PHLDB2: variants seen among roughly 807,000 people sequenced by gnomAD.
PHLDB2 encodes the protein pleckstrin homology-like domain family B member 2.
Under a neutral mutation model 123.6 loss-of-function variants are expected in PHLDB2, and 71 were observed. That is an observed-to-expected ratio of 0.57 (90% CI 0.47 to 0.70). PHLDB2 has a LOEUF of 0.70. Ranked by LOEUF, PHLDB2 falls within the 30% of genes least tolerant of loss-of-function variation. The probability of loss-of-function intolerance (pLI) is 0.00; values close to 1 mark genes in which losing one functional copy is unlikely to be tolerated. For missense variants in PHLDB2, 1,446 were observed against 1,519.5 expected (o/e 0.95, Z 0.80); for synonymous variants, 547 against 541.6 (o/e 1.01, Z -0.14).
intron 1 of PHLDB2, among the ~76,000 whole-genome samples, chr3:111,735,325 T>A (rs1479361102): frequency 6.6e-6 from 1 of 152,168 alleles, no homozygotes; most frequent in Non-Finnish European, 1.5e-5. Context: ...GGCTTTTTGG[T>A]GTCATTTGAG....
At chr3:111,854,222 C>T (rs1483938083) in intron 2 of PHLDB2, among the ~76,000 whole-genome samples, 1 of 152,208 alleles carries the variant, frequency 6.6e-6, no homozygotes, top group Non-Finnish European at 1.5e-5. Context: ...ATGGGGGAAA[C>T]TGCCCCCAAG....
chr3:111,827,685 CAAAAAAAAAAAAAAAAA>C (rs565813163), intron 1 of PHLDB2, among the ~76,000 whole-genome samples: 1 of 73,172 alleles, frequency 1.4e-5, no homozygotes. Flanking sequence ...GAATCCGTCT[CAAAAAAAAAAAAAAAAA>C]AAAAAAAAGG....
At chr3:111,896,065 G>T (rs954441639) in intron 2 of PHLDB2, among the ~76,000 whole-genome samples, 2 of 151,804 alleles carry the variant, frequency 1.3e-5, no homozygotes, top group African/African-American at 4.8e-5. Context: ...GCATGATCTC[G>T]GCTCAGCCTG....
chr3:111,920,409 A>T lies in PHLDB2; in HGVS notation c.1991A>T (p.Glu664Val). The change falls in exon 5 of 18, where the codon GAA becomes GTA. Residue 664 changes from glutamate to valine, a missense_variant. Physicochemically the swap from Glu to Val is moderately radical, Grantham distance 121 (BLOSUM62 -2). Coordinates refer to ENST00000431670, the MANE Select transcript of PHLDB2 (RefSeq NM_001134438.2). ...GAACTGGAAAAGAACATTGTTGGTG[A>T]AAAGACCAAGGTAAAAGAAAATTAT... ...IAELEKNIVG[E>V]KTKEKVKLDA... is the part of the protein sequence containing the mutation. The T allele has an allele frequency of 6.2e-7, 1 of 1,613,418 alleles. No homozygotes were observed. Among genetic ancestry groups the T allele is most frequent in the Non-Finnish European group, 8.5e-7 (1 of 1,179,768 alleles).
intron 1 of PHLDB2, among the ~76,000 whole-genome samples, chr3:111,796,403 G>A (rs2061163119): frequency 6.6e-6 from 1 of 152,168 alleles, no homozygotes. Context: ...CCTAGTTCAA[G>A]CTGCTATCAT....
chr3:111,954,051 T>A lies in PHLDB2; in HGVS notation c.2872+22T>A, dbSNP rs1029818315. On this transcript the variant is annotated intron_variant, in intron 12 of 17. Coordinates refer to ENST00000431670, the MANE Select transcript of PHLDB2 (RefSeq NM_001134438.2). ...AGAGGTACGTACCTTTTAAATCAAG[T>A]GTCATGGCCTTTTGTTAAGCATTAG... 4 of 1,594,118 alleles carry A rather than the reference T, an allele frequency of 2.5e-6. No individual in the cohort carries two copies. The Admixed American group carries it at 6.7e-5, about 27-fold the overall frequency.
chr3:111,925,754 G>A (rs918362465), intron 5 of PHLDB2, among the ~76,000 whole-genome samples: 3 of 152,208 alleles, frequency 2.0e-5, no homozygotes, highest in African/African-American at 7.2e-5. Flanking sequence ...CCAAGGCAGA[G>A]CCTGATCTCA....
At chr3:111,765,687 T>C (rs1158071725) in intron 1 of PHLDB2, among the ~76,000 whole-genome samples, 1 of 152,180 alleles carries the variant, frequency 6.6e-6, no homozygotes, top group Non-Finnish European at 1.5e-5. Flanking sequence ...CTCTGCTGGG[T>C]TAGACAGTCT....
chr3:111,766,914 C>G (rs1559820286), intron 1 of PHLDB2, among the ~76,000 whole-genome samples: 1 of 151,562 alleles, frequency 6.6e-6, no homozygotes. Flanking sequence ...GCCTGTAATC[C>G]CAGCTACTTG....
At chr3:111,769,562 A>G (rs150098024) in intron 1 of PHLDB2, among the ~76,000 whole-genome samples, 7 of 152,344 alleles carry the variant, frequency 4.6e-5, no homozygotes, top group Non-Finnish European at 1.0e-4. Context: ...ATAATACAGC[A>G]TACGACTACA....
intron 1 of PHLDB2, among the ~76,000 whole-genome samples, chr3:111,830,426 T>C (rs1040204625): frequency 4.7e-5 from 7 of 149,752 alleles, no homozygotes; most frequent in Admixed American, 4.0e-4. Flanking sequence ...TTGATAACAG[T>C]GATTTAAAAA....
chr3:111,919,667 G>C (rs1034962935), intron 4 of PHLDB2, among the ~76,000 whole-genome samples: 5 of 152,260 alleles, frequency 3.3e-5, no homozygotes, highest in Admixed American at 2.6e-4. Flanking sequence ...TTGGAAACCA[G>C]GGGGAAGCAG....
At chr3:111,774,525 G>A (rs1379240519) in intron 1 of PHLDB2, among the ~76,000 whole-genome samples, 1 of 152,190 alleles carries the variant, frequency 6.6e-6, no homozygotes, top group Non-Finnish European at 1.5e-5. Context: ...TGCTAGAAAT[G>A]TAAGACATGC....
intron 1 of PHLDB2, among the ~76,000 whole-genome samples, chr3:111,747,766 T>A (rs1381643955): frequency 6.6e-6 from 1 of 152,262 alleles, no homozygotes; most frequent in African/African-American, 2.4e-5. Flanking sequence ...TCAATACCTT[T>A]ATTTTTACTT....
chr3:111,780,399 A>AGAAGAAGAAGCAGAAGAAG lies in PHLDB2; in HGVS notation c.-49+47706_-49+47707insCAGAAGAAGGAAGAAGAAG, dbSNP rs1553726800. ...AAGAAGAAGAAGAAGAAGAAGAAGA[A>AGAAGAAGAAGCAGAAGAAG]GAAGAAGAAGAAAAAGATTAGTTCG... On this transcript the variant is annotated intron_variant, in intron 1 of 17. Coordinates refer to the PHLDB2 transcript ENST00000393923. 4.0e-5 allele frequency among the ~76,000 whole-genome samples: 3 copies of AGAAGAAGAAGCAGAAGAAG among 74,452 alleles called. No individual in the cohort carries two copies. In the East Asian group the frequency reaches 1.3e-3, roughly 32 times the overall value. 48.8% of individuals were successfully genotyped at this position (74,452 alleles called of 152,430 possible). A position where few individuals can be genotyped will look rare whatever the true frequency, so the allele number is the denominator to read the frequency against.
intron 6 of PHLDB2, among the ~76,000 whole-genome samples, chr3:111,938,158 C>A (rs530009585): frequency 6.6e-6 from 1 of 152,128 alleles, no homozygotes; most frequent in Non-Finnish European, 1.5e-5. Flanking sequence ...GCTCATAGAA[C>A]CCTGGCTTTA....
rs1491460524 is a variant in PHLDB2, at chr3:111,834,122, ATT to A, written c.-48-11698_-48-11697del. ...TTATATATATTATATATGTAATAGA[ATT>A]ATATATATATTATATGTAATAGAAT... On this transcript the variant is annotated intron_variant, in intron 1 of 17. Coordinates refer to the PHLDB2 transcript ENST00000393923. Among the ~76,000 whole-genome samples the A allele has an allele frequency of 4.1e-3, 492 of 120,408 alleles. 22 individuals carry two copies. The highest frequency in any genetic ancestry group is 5.6e-3 in the East Asian group (21 of 3,766). The allele number at this position is 120,408 out of a possible 152,430, so 79.0% of individuals were successfully genotyped here.
chr3:111,780,399 A>AGAAGAAGACG lies in PHLDB2; in HGVS notation c.-49+47704_-49+47705insCGGAAGAAGA, dbSNP rs2060408116. On this transcript the variant is annotated intron_variant, in intron 1 of 17. Transcript: ENST00000393923. ...AAGAAGAAGAAGAAGAAGAAGAAGAAGAAGAAGAAGAAAAAGATTAGTTCG... is the reference window on the plus strand; with the variant it reads ...AAGAAGAAGAAGAAGAAGAAGAAGAAGAAGAAGACGGAAGAAGAAGAAAAAGATTAGTTCG... Among the ~76,000 whole-genome samples the AGAAGAAGACG allele has an allele frequency of 2.7e-5, 2 of 74,364 alleles. 1 individual carries two copies. The highest frequency in any genetic ancestry group is 2.9e-4 in the Admixed American group (2 of 6,984). The allele number at this position is 74,364 out of a possible 152,430, so 48.8% of individuals were successfully genotyped here.
At chr3:111,747,679 G>A (rs1453086738) in intron 1 of PHLDB2, among the ~76,000 whole-genome samples, 2 of 152,138 alleles carry the variant, frequency 1.3e-5, no homozygotes, top group Non-Finnish European at 2.9e-5. Flanking sequence ...GGGAACATGA[G>A]GATACACTGA....
Sources: allele counts gnomAD v4.1 joint callset (sites outside exome capture counted in the v4.1 genomes callset), GRCh38; gene constraint gnomAD v4.1.1; transcripts MANE v1.5; gene names NCBI Gene and HGNC (gene_info 2026-07-23, HGNC 2026-07-21).